The following CTNND2 variants were observed in gnomAD, a reference collection of about 807,000 sequenced individuals.
The protein encoded by CTNND2 is catenin delta-2.
CTNND2 carries 22 observed loss-of-function variants against 144.4 expected under a neutral mutation model. The observed-to-expected ratio is 0.15, with a 90% CI of 0.11 to 0.22. CTNND2 has a LOEUF of 0.22. Among genes scored for constraint, CTNND2 ranks in the 10% least tolerant of loss-of-function variants. CTNND2 has a pLI of 1.00. For missense variants in CTNND2, 1,353 were observed against 1,618.8 expected (o/e 0.84, Z 2.82); for synonymous variants, 751 against 695.6 (o/e 1.08, Z -1.25).
At chr5:11,316,468 T>TTTTTTA (rs903872039) in intron 9 of CTNND2, among the ~76,000 whole-genome samples, 13 of 73,398 alleles carry the variant, frequency 1.8e-4, no homozygotes, top group South Asian at 4.3e-4. Flanking sequence ...TCCACTATTT[T>TTTTTTA]TTATTATTAT....
intron 1 of CTNND2, among the ~76,000 whole-genome samples, chr5:11,817,410 G>GGAGA (rs1157713122): frequency 4.5e-5 from 1 of 22,352 alleles, no homozygotes; most frequent in African/African-American, 2.4e-4. Context: ...GAGAGAGGAG[G>GGAGA]GAGAGAGAGA....
chr5:11,797,356 C>A (rs1791458177), intron 1 of CTNND2, among the ~76,000 whole-genome samples: 1 of 152,106 alleles, frequency 6.6e-6, no homozygotes, highest in Non-Finnish European at 1.5e-5. Flanking sequence ...TGGCCCCCAG[C>A]CAGGACTTCC....
chr5:11,427,071 T>C (rs1198967421), intron 3 of CTNND2, among the ~76,000 whole-genome samples: 2 of 152,182 alleles, frequency 1.3e-5, no homozygotes, highest in African/African-American at 4.8e-5. Flanking sequence ...GCTCTTATAT[T>C]TGCATTTGAA....
chr5:11,091,256 T>C (rs1237087184), intron 15 of CTNND2, among the ~76,000 whole-genome samples: 1 of 152,198 alleles, frequency 6.6e-6, no homozygotes, highest in African/African-American at 2.4e-5. Flanking sequence ...GATCTTTTCC[T>C]CTGCAATGTC....
intron 16 of CTNND2, among the ~76,000 whole-genome samples, chr5:11,079,217 A>C (rs1202710333): frequency 6.6e-6 from 1 of 152,160 alleles, no homozygotes; most frequent in African/African-American, 2.4e-5. Flanking sequence ...TGGAATCTTG[A>C]GCTCTTTGCC....
chr5:11,902,352 C>T (rs1737978317), intron 1 of CTNND2, among the ~76,000 whole-genome samples: 1 of 152,174 alleles, frequency 6.6e-6, no homozygotes, highest in Non-Finnish European at 1.5e-5. Context: ...TAGCAGAAAT[C>T]CCCAAAATAA....
chr5:11,778,323 A>G (rs1029850611), intron 1 of CTNND2, among the ~76,000 whole-genome samples: 1 of 152,076 alleles, frequency 6.6e-6, no homozygotes, highest in African/African-American at 2.4e-5. Context: ...GCAGGGGGGC[A>G]GTGGTGCGGG....
rs769383121 is a variant in CTNND2, at chr5:11,644,396, C to T, written c.175-79340G>A. Among the ~76,000 whole-genome samples, 11 of 152,092 alleles carry T rather than the reference C, an allele frequency of 7.2e-5. 1 individual carries two copies. Among genetic ancestry groups the T allele is most frequent in the Non-Finnish European group, 7.4e-5 (5 of 68,024 alleles). On this transcript the variant is annotated intron_variant, in intron 2 of 21. Transcript: ENST00000304623. ...TGTAAATGATACCAAGCGGCTGTGC[C>T]GGGTGCAGTGGCTCACACCTGTAAT... is the stretch of plus-strand genomic sequence containing the variant.
intron 8 of CTNND2, among the ~76,000 whole-genome samples, chr5:11,347,854 T>A (rs1754950953): frequency 6.6e-6 from 1 of 152,202 alleles, no homozygotes; most frequent in South Asian, 2.1e-4. Context: ...AAGGACATTA[T>A]GTCATGCTGA....
intron 3 of CTNND2, among the ~76,000 whole-genome samples, chr5:11,446,125 C>T (rs1764778433): frequency 6.6e-6 from 1 of 152,178 alleles, no homozygotes; most frequent in South Asian, 2.1e-4. Flanking sequence ...GTGTGCACCA[C>T]CAAACACAAC....
intron 7 of CTNND2, among the ~76,000 whole-genome samples, chr5:11,369,643 G>C (rs1032426020): frequency 6.6e-6 from 1 of 152,216 alleles, no homozygotes; most frequent in Non-Finnish European, 1.5e-5. Flanking sequence ...GGATGTCCTA[G>C]TGCTCAAAAC....
chr5:11,749,409 T>C (rs374541196), intron 1 of CTNND2, among the ~76,000 whole-genome samples: 33 of 152,016 alleles, frequency 2.2e-4, no homozygotes, highest in African/African-American at 7.7e-4. Context: ...ATTATAGTCT[T>C]TTTTTGACAC....
At chr5:11,169,632 A>G (rs1759701706) in intron 11 of CTNND2, among the ~76,000 whole-genome samples, 1 of 152,222 alleles carries the variant, frequency 6.6e-6, no homozygotes, top group African/African-American at 2.4e-5. Context: ...GCATGCATAT[A>G]TAACCTCTTA....
intron 2 of CTNND2, among the ~76,000 whole-genome samples, chr5:11,655,001 G>A (rs1782836816): frequency 6.6e-6 from 1 of 151,940 alleles, no homozygotes; most frequent in South Asian, 2.1e-4. Context: ...GTCAACGGTG[G>A]GGAGCACTGG....
intron 2 of CTNND2, among the ~76,000 whole-genome samples, chr5:11,639,041 A>G (rs1279120801): frequency 1.3e-5 from 2 of 152,178 alleles, no homozygotes; most frequent in Non-Finnish European, 2.9e-5. Context: ...GATGCAAACT[A>G]TCTACATTGG....
At chr5:11,560,881 T>C (rs1186555118) in intron 3 of CTNND2, among the ~76,000 whole-genome samples, 3 of 152,376 alleles carry the variant, frequency 2.0e-5, no homozygotes, top group Admixed American at 6.5e-5. Flanking sequence ...TTCTGGTTTA[T>C]GTATCCTGCA....
At chr5:11,260,558 T>G (rs906040714) in intron 9 of CTNND2, among the ~76,000 whole-genome samples, 6 of 152,188 alleles carry the variant, frequency 3.9e-5, no homozygotes, top group Admixed American at 1.3e-4. Context: ...AATTCATCTG[T>G]GAGGGCCTTC....
intron 7 of CTNND2, among the ~76,000 whole-genome samples, chr5:11,378,839 T>C (rs1213613399): frequency 6.6e-6 from 1 of 152,160 alleles, no homozygotes; most frequent in Non-Finnish European, 1.5e-5. Flanking sequence ...AGTCAGGGAA[T>C]GGGTCTGAAA....
At chr5:11,897,134 T>C in intron 1 of CTNND2, among the ~76,000 whole-genome samples, 1 of 152,298 alleles carries the variant, frequency 6.6e-6, no homozygotes, top group East Asian at 1.9e-4. Context: ...TCCACACCAG[T>C]GAAGACTGTG....
Sources: allele counts gnomAD v4.1 joint callset (sites outside exome capture counted in the v4.1 genomes callset), GRCh38; gene constraint gnomAD v4.1.1; transcripts MANE v1.5; gene names NCBI Gene and HGNC (gene_info 2026-07-23, HGNC 2026-07-21).